Variants in EPHB1 observed in about 807,000 individuals in gnomAD.
EPHB1 encodes the protein ephrin type-B receptor 1.
A neutral mutation model predicts 94.4 loss-of-function variants in EPHB1; 30 were observed. The ratio of observed to expected loss-of-function variants is 0.32; its 90% CI spans 0.24 to 0.43. The LOEUF (loss-of-function observed/expected upper bound fraction) is 0.43. EPHB1 is among the 20% of genes least tolerant of loss of function. The probability of loss-of-function intolerance (pLI) is 1.00; values close to 1 mark genes in which losing one functional copy is unlikely to be tolerated. For missense variants in EPHB1, 1,055 were observed against 1,308.3 expected (o/e 0.81, Z 2.99); for synonymous variants, 522 against 489.1 (o/e 1.07, Z -0.89).
At chr3:134,981,260 C>T (rs536078123) in intron 3 of EPHB1, among the ~76,000 whole-genome samples, 5 of 152,136 alleles carry the variant, frequency 3.3e-5, no homozygotes, top group African/African-American at 9.7e-5. Flanking sequence ...CACTGGTCAG[C>T]GGGGGCTAGG....
At chr3:134,896,409 T>C (rs1335716096) in intron 1 of EPHB1, among the ~76,000 whole-genome samples, 3 of 152,212 alleles carry the variant, frequency 2.0e-5, no homozygotes, top group Non-Finnish European at 4.4e-5. Context: ...CATAAGCTTA[T>C]TGAGGATTAA....
intron 4 of EPHB1, among the ~76,000 whole-genome samples, chr3:135,125,832 C>T (rs1247186341): frequency 1.3e-5 from 2 of 152,058 alleles, no homozygotes; most frequent in South Asian, 2.1e-4. Context: ...CTGCATATTT[C>T]GCCCCCATAG....
intron 3 of EPHB1, among the ~76,000 whole-genome samples, chr3:135,036,720 A>G (rs907921907): frequency 2.0e-5 from 3 of 152,168 alleles, no homozygotes; most frequent in Non-Finnish European, 4.4e-5. Flanking sequence ...ATGTCTATTT[A>G]GGATATTTCT....
chr3:135,049,244 TGATCTATTGTCTAAC>T (rs1559809336), intron 3 of EPHB1, among the ~76,000 whole-genome samples: 1 of 152,280 alleles, frequency 6.6e-6, no homozygotes, highest in African/African-American at 2.4e-5. Context: ...TGTGTTCTGA[TGATCTATTGTCTAAC>T]AAACGCATTG....
At chr3:134,971,653 C>G (rs756680217) in intron 3 of EPHB1, among the ~76,000 whole-genome samples, 2 of 152,190 alleles carry the variant, frequency 1.3e-5, no homozygotes, top group Non-Finnish European at 2.9e-5. Flanking sequence ...TGCAGGGACA[C>G]TAGTCCCTTT....
intron 3 of EPHB1, among the ~76,000 whole-genome samples, chr3:134,980,005 G>A (rs1283581147): frequency 6.6e-6 from 1 of 152,198 alleles, no homozygotes. Context: ...GAAAGATTGT[G>A]TTTTTATTAC....
intron 1 of EPHB1, among the ~76,000 whole-genome samples, chr3:134,831,303 G>T (rs2036577565): frequency 6.6e-6 from 1 of 152,172 alleles, no homozygotes; most frequent in Admixed American, 6.5e-5. Flanking sequence ...TCCCACAAAG[G>T]GAGCTATGGC....
chr3:135,134,728 T>C (rs942915694), intron 5 of EPHB1, among the ~76,000 whole-genome samples: 3 of 152,256 alleles, frequency 2.0e-5, no homozygotes, highest in African/African-American at 7.2e-5. Flanking sequence ...AGTATTTCCC[T>C]TGAAGAGTTT....
intron 3 of EPHB1, among the ~76,000 whole-genome samples, chr3:134,963,848 G>C (rs1364710177): frequency 6.6e-6 from 1 of 152,210 alleles, no homozygotes; most frequent in Non-Finnish European, 1.5e-5. Flanking sequence ...ATCAGAATTT[G>C]ATCTACATTT....
At chr3:135,131,550 A>G (rs977721115) in intron 4 of EPHB1, among the ~76,000 whole-genome samples, 1 of 152,152 alleles carries the variant, frequency 6.6e-6, no homozygotes, top group Non-Finnish European at 1.5e-5. Context: ...TATCAGTTAG[A>G]CACTGAGGAG....
intron 3 of EPHB1, among the ~76,000 whole-genome samples, chr3:135,076,647 T>C (rs920719724): frequency 2.0e-5 from 3 of 152,210 alleles, no homozygotes; most frequent in Admixed American, 6.5e-5. Context: ...CATGCAGATA[T>C]TCACAGCAGC....
chr3:135,249,253 T>G, intron 14 of EPHB1, 83 bp from the exon 15 acceptor site: 1 of 1,448,320 alleles, frequency 6.9e-7, no homozygotes, highest in Non-Finnish European at 9.3e-7. Flanking sequence ...CTGCCTTCCA[T>G]GAAGTCAGCT....
At chr3:134,816,230 A>C (rs565388452) in intron 1 of EPHB1, among the ~76,000 whole-genome samples, 2 of 151,364 alleles carry the variant, frequency 1.3e-5, no homozygotes, top group Non-Finnish European at 2.9e-5. Flanking sequence ...TTATAGGCAC[A>C]CACCACCACA....
rs1003727440 is a variant in EPHB1 at position 135,114,096 on chromosome 3, T to G, written c.961+7493T>G. ...TTTTGTTTGTCCCCTCAGGAAATGC[T>G]GTCTGTTTGGGTCTCCCCTATGTGC... On this transcript the variant is annotated intron_variant, in intron 4 of 15. Coordinates refer to ENST00000398015, the MANE Select transcript of EPHB1 (RefSeq NM_004441.5). Among the ~76,000 whole-genome samples the G allele has an allele frequency of 2.0e-4, 31 of 152,252 alleles. 1 individual carries two copies. The highest frequency in any genetic ancestry group is 1.5e-3 in the Admixed American group (23 of 15,288).
chr3:134,856,776 A>G (rs2037130059), intron 1 of EPHB1, among the ~76,000 whole-genome samples: 1 of 152,264 alleles, frequency 6.6e-6, no homozygotes, highest in African/African-American at 2.4e-5. Context: ...ATACTGGAAT[A>G]AGTAAACTAA....
intron 2 of EPHB1, among the ~76,000 whole-genome samples, chr3:134,941,295 T>C (rs2039111557): frequency 6.7e-6 from 1 of 150,034 alleles, no homozygotes; most frequent in Non-Finnish European, 1.5e-5. Flanking sequence ...TGACCAGTAA[T>C]ATTATTTCTT....
chr3:135,165,460 C>T (rs146032731), intron 7 of EPHB1, among the ~76,000 whole-genome samples: 37 of 152,308 alleles, frequency 2.4e-4, no homozygotes, highest in African/African-American at 8.2e-4. Context: ...AGTGCTGGGC[C>T]ATTCATTTCT....
In EPHB1 at chr3:135,065,952, T is replaced by C. The variant is rs545559896; in HGVS notation, c.806-40496T>C. 5.3e-5 allele frequency among the ~76,000 whole-genome samples: 8 copies of C among 152,344 alleles called. No homozygotes were observed. In the South Asian group the frequency reaches 1.7e-3, roughly 32 times the overall value. ...AAAAAGACTATATATTTCCTTAGCA[T>C]ATGATGCTTAGTTTTACTGGATACA... On this transcript the variant is annotated intron_variant, in intron 3 of 15. Coordinates refer to ENST00000398015, the MANE Select transcript of EPHB1 (RefSeq NM_004441.5).
chr3:135,215,388 C>T (rs949785382), intron 12 of EPHB1, among the ~76,000 whole-genome samples: 9 of 152,206 alleles, frequency 5.9e-5, no homozygotes, highest in South Asian at 2.1e-4. Context: ...GTCTCAAACT[C>T]CCGACCTCAG....
Sources: gnomAD v4.1 joint callset for allele counts (sites outside exome capture counted in the v4.1 genomes callset) on GRCh38, gnomAD v4.1.1 for gene constraint, MANE v1.5 for transcripts, NCBI Gene and HGNC (gene_info 2026-07-23, HGNC 2026-07-21) for gene names.